F13A1: variants seen among roughly 807,000 people sequenced by gnomAD.
F13A1 encodes the protein coagulation factor XIII A chain.
Under a neutral mutation model 80.1 loss-of-function variants are expected in F13A1, and 47 were observed. The ratio of observed to expected loss-of-function variants is 0.59; its 90% confidence interval spans 0.46 to 0.75. F13A1 has a LOEUF of 0.75. Ranked by LOEUF, F13A1 falls within the 30% of genes least tolerant of loss-of-function variation. The pLI is 0.00. For synonymous variants in F13A1, 349 were observed against 344.9 expected (o/e 1.01, Z -0.13); for missense variants, 817 against 930.4 (o/e 0.88, Z 1.59).
chr6:6,172,441 A>C (rs1760792243), intron 12 of F13A1, among the ~76,000 whole-genome samples: 1 of 125,340 alleles, frequency 8.0e-6, no homozygotes. Context: ...TCCAAAGAAA[A>C]CACTATAGTG....
chr6:6,194,096 A>G (rs1433893841), intron 10 of F13A1, among the ~76,000 whole-genome samples: 2 of 152,066 alleles, frequency 1.3e-5, no homozygotes, highest in Admixed American at 1.3e-4. Flanking sequence ...TGTCTAGCTC[A>G]TGCCCTTTCC....
chr6:6,267,374 C>T (rs942272272), intron 3 of F13A1, among the ~76,000 whole-genome samples: 2 of 152,132 alleles, frequency 1.3e-5, no homozygotes, highest in Non-Finnish European at 2.9e-5. Context: ...CTAAGTAATG[C>T]TCTTGAAGAC....
intron 10 of F13A1, among the ~76,000 whole-genome samples, chr6:6,189,892 G>C (rs573302750): frequency 1.3e-5 from 2 of 152,048 alleles, no homozygotes; most frequent in Non-Finnish European, 2.9e-5. Context: ...TTTTCACATA[G>C]TCCCATATTT....
chr6:6,305,737 T>C (rs1426905902), intron 2 of F13A1, 198 bp from the exon 3 acceptor site: 2 of 602,806 alleles, frequency 3.3e-6, no homozygotes, highest in Non-Finnish European at 5.9e-6. Flanking sequence ...AAGAGAGCTT[T>C]TTAAAGCTTT....
At chr6:6,258,989 A>G (rs1215458184) in intron 4 of F13A1, among the ~76,000 whole-genome samples, 2 of 152,170 alleles carry the variant, frequency 1.3e-5, no homozygotes, top group Non-Finnish European at 2.9e-5. Flanking sequence ...GTTTTTTATT[A>G]GGAGCTCATT....
Position 6,298,590 on chromosome 6 carries a change from C to T in F13A1, c.319+6761G>A, listed in dbSNP as rs560001622. Among the ~76,000 whole-genome samples the T allele has an allele frequency of 3.3e-3, 492 of 148,550 alleles. 48 individuals are homozygous for T. Among genetic ancestry groups the T allele is most frequent in the African/African-American group, 0.012 (464 of 38,642 alleles). On this transcript the variant is annotated intron_variant, in intron 3 of 14. Transcript: ENST00000264870. ...TGCAACCCCTGCTTTTTTTTGTTTT[C>T]CATTTGCTTGGTAGATCTTCCTCCA... is the stretch of plus-strand genomic sequence containing the variant.
At chr6:6,223,490 C>A (rs1757228989) in intron 7 of F13A1, among the ~76,000 whole-genome samples, 1 of 152,128 alleles carries the variant, frequency 6.6e-6, no homozygotes, top group Non-Finnish European at 1.5e-5. Context: ...GACCTCCAAC[C>A]TTTAACCTAC....
At chr6:6,262,423 G>C (rs1757789417) in intron 4 of F13A1, among the ~76,000 whole-genome samples, 1 of 152,248 alleles carries the variant, frequency 6.6e-6, no homozygotes. Flanking sequence ...TTTCTCACTT[G>C]CAGCAGCACA....
Position 6,224,792 on chromosome 6 carries a change from G to A in F13A1, c.867C>T (p.Pro289=). The A allele has an allele frequency of 6.2e-7, 1 of 1,614,092 alleles. No individual in the cohort carries two copies. The highest frequency in any genetic ancestry group is 8.5e-7 in the Non-Finnish European group (1 of 1,179,962). ...CAACGCTTCCAGTCCAGGCCGATGG[G>A]GGGACGCCATAGGCATAGATATTGT... ...SWDNIYAYGV[P]PSAWTGSVDI... Residue 289 remains proline (P), a synonymous_variant, in exon 7 of 15, where the codon CCC becomes CCT. Coordinates refer to ENST00000264870, the MANE Select transcript of F13A1 (RefSeq NM_000129.4).
intron 3 of F13A1, among the ~76,000 whole-genome samples, chr6:6,299,643 C>T (rs199831125): frequency 3.6e-5 from 5 of 139,572 alleles, no homozygotes; most frequent in Non-Finnish European, 6.0e-5. Flanking sequence ...TCTAGTTATA[C>T]ATTCTTCTAA....
intron 3 of F13A1, among the ~76,000 whole-genome samples, chr6:6,275,235 A>T (rs1287903537): frequency 1.3e-5 from 2 of 152,088 alleles, no homozygotes; most frequent in Non-Finnish European, 2.9e-5. Context: ...GGAAGCAGGA[A>T]GTAGACGCAA....
chr6:6,207,348 T>A (rs1227450331), intron 8 of F13A1, among the ~76,000 whole-genome samples: 1 of 152,186 alleles, frequency 6.6e-6, no homozygotes, highest in Non-Finnish European at 1.5e-5. Context: ...TTTTATTTGA[T>A]CTGATTCACA....
intron 13 of F13A1, among the ~76,000 whole-genome samples, chr6:6,152,289 T>C (rs1760393621): frequency 6.6e-6 from 1 of 152,160 alleles, no homozygotes; most frequent in Non-Finnish European, 1.5e-5. Flanking sequence ...CAAGTGAACT[T>C]TGCTTCTGGA....
chr6:6,230,609 G>A (rs1306986439), intron 6 of F13A1, among the ~76,000 whole-genome samples: 1 of 152,164 alleles, frequency 6.6e-6, no homozygotes, highest in African/African-American at 2.4e-5. Flanking sequence ...TCTCTGGAAA[G>A]CACCACCTCC....
chr6:6,222,299 CA>C, intron 7 of F13A1, 128 bp from the exon 8 acceptor site: 1 of 1,262,578 alleles, frequency 7.9e-7, no homozygotes, highest in East Asian at 2.5e-5. Flanking sequence ...ATGTTATTCT[CA>C]AATGTTCCAT....
chr6:6,293,292 A>C (rs1034795577), intron 3 of F13A1, among the ~76,000 whole-genome samples: 10 of 152,086 alleles, frequency 6.6e-5, no homozygotes, highest in African/African-American at 2.4e-4. Flanking sequence ...TCAACTGGGT[A>C]TCAAAAAAGC....
At chr6:6,285,165 C>T (rs897618537) in intron 3 of F13A1, among the ~76,000 whole-genome samples, 9 of 152,218 alleles carry the variant, frequency 5.9e-5, no homozygotes, top group African/African-American at 2.2e-4. Context: ...AAGAGAATCA[C>T]TTGAACCTGG....
chr6:6,205,977 G>A (rs1761480559), intron 8 of F13A1, among the ~76,000 whole-genome samples: 1 of 152,008 alleles, frequency 6.6e-6, no homozygotes, highest in African/African-American at 2.4e-5. Context: ...TTACCACTCT[G>A]GCATAGCAAG....
At chr6:6,226,602 TGTGTCTA>T in intron 6 of F13A1, among the ~76,000 whole-genome samples, 1 of 152,344 alleles carries the variant, frequency 6.6e-6, no homozygotes, top group Non-Finnish European at 1.5e-5. Context: ...TTTGACTTGC[TGTGTCTA>T]GTTGTAGAGA....
Sources: gnomAD v4.1 joint callset for allele counts (sites outside exome capture counted in the v4.1 genomes callset) on GRCh38, gnomAD v4.1.1 for gene constraint, MANE v1.5 for transcripts, NCBI Gene and HGNC (gene_info 2026-07-23, HGNC 2026-07-21) for gene names.